The following SYBU variants were observed in gnomAD, a reference collection of about 807,000 sequenced individuals.
The protein encoded by SYBU is syntabulin.
A neutral mutation model predicts 35.9 loss-of-function variants in SYBU; 21 were observed. The ratio of observed to expected loss-of-function variants is 0.58; its 90% CI spans 0.41 to 0.84. The LOEUF is 0.84. Ranked by LOEUF, SYBU falls within the 40% of genes least tolerant of loss-of-function variation. SYBU has a pLI of 0.00. For missense variants in SYBU, 768 were observed against 848.2 expected, an observed-to-expected ratio of 0.91 and a Z score of 1.17; for synonymous variants, 319 against 324.3, an observed-to-expected ratio of 0.98 and a Z score of 0.18.
At chr8:109,671,549 G>T (rs1816982724) in intron 1 of SYBU, among the ~76,000 whole-genome samples, 1 of 152,130 alleles carries the variant, frequency 6.6e-6, no homozygotes, top group South Asian at 2.1e-4. Flanking sequence ...ACATGAATTA[G>T]GCCAACAGCA....
intron 2 of SYBU, among the ~76,000 whole-genome samples, chr8:109,630,334 T>A: frequency 6.8e-6 from 1 of 147,482 alleles, no homozygotes; most frequent in East Asian, 2.1e-4. Flanking sequence ...GATGACGAGT[T>A]AGTGGGTGCA....
chr8:109,640,756 G>GT (rs147018678), intron 2 of SYBU, among the ~76,000 whole-genome samples: 4,497 of 132,008 alleles, frequency 0.034, 210 homozygotes, highest in African/African-American at 0.11. Context: ...TTTTGATAGG[G>GT]TTTTTTTTTT....
In SYBU at chr8:109,579,984, C is replaced by T. The variant is rs767191226; in HGVS notation, c.549G>A (p.Arg183=). The T allele has an allele frequency of 6.2e-7, 1 of 1,613,078 alleles. No individual in the cohort carries two copies. The highest frequency in any genetic ancestry group is 8.5e-7 in the Non-Finnish European group (1 of 1,180,030). ...SSSRNRGPHG[R]SNGASSHKPG... ...GCTTGTGTGACGAAGCTCCATTACT[C>T]CGCCCATGAGGACCTCGACTGGGAG... Residue 183 remains arginine (R), a synonymous_variant, in exon 5 of 7, where the codon CGG becomes CGA. Coordinates refer to ENST00000276646, the MANE Select transcript of SYBU (RefSeq NM_001099754.2).
In SYBU at chr8:109,691,292, G is replaced by GCTAATTTTTGTATTTTTAGTAGAGACAA. The variant is rs1817639041; in HGVS notation, c.-58+40_-58+41insTTGTCTCTACTAAAAATACAAAAATTAG. ...CCATCAGTTGCCCTCCCGTGTCCGC[G>GCTAATTTTTGTATTTTTAGTAGAGACAA]GGCACTGACAGCAGAGACCGCATAG... On this transcript the variant is annotated intron_variant, in intron 1 of 7. Coordinates refer to the SYBU transcript ENST00000422135. The surrounding 1 kb of genome is among the most constrained non-coding windows in gnomAD (Gnocchi z 4.7). The GCTAATTTTTGTATTTTTAGTAGAGACAA allele has an allele frequency of 1.4e-6, 1 of 698,052 alleles. No homozygotes were observed. Among genetic ancestry groups the GCTAATTTTTGTATTTTTAGTAGAGACAA allele is most frequent in the African/African-American group, 1.8e-5 (1 of 56,552 alleles). The allele number at this position is 698,052 out of a possible 1,614,324, so 43.2% of individuals were successfully genotyped here.
At chr8:109,588,268 A>G (rs972542927) in intron 3 of SYBU, among the ~76,000 whole-genome samples, 3 of 152,232 alleles carry the variant, frequency 2.0e-5, no homozygotes, top group Admixed American at 6.5e-5. Flanking sequence ...AATTGCGGAA[A>G]ATCCATTGTT....
chr8:109,625,242 T>C (rs2130450262), intron 2 of SYBU, among the ~76,000 whole-genome samples: 2 of 152,292 alleles, frequency 1.3e-5, no homozygotes, highest in African/African-American at 4.8e-5. Context: ...ACATAACAAA[T>C]ACAGGAATAT....
chr8:109,679,745 C>A (rs1302519377), intron 1 of SYBU, among the ~76,000 whole-genome samples: 1 of 152,164 alleles, frequency 6.6e-6, no homozygotes, highest in Non-Finnish European at 1.5e-5. Flanking sequence ...TGAATGCCTG[C>A]AAAAATATTA....
At chr8:109,586,035 T>A (rs761251426) in intron 4 of SYBU, 25 bp downstream of exon 4, 1 of 1,571,158 alleles carries the variant, frequency 6.4e-7, no homozygotes, top group Admixed American at 1.8e-5. Context: ...AGCGTCTTAA[T>A]TACAGAGCAG....
At chr8:109,606,384 G>GTAA (rs1462297836) in intron 3 of SYBU, among the ~76,000 whole-genome samples, 2 of 152,134 alleles carry the variant, frequency 1.3e-5, no homozygotes, top group African/African-American at 4.8e-5. Flanking sequence ...CCTTATGTGA[G>GTAA]GGGTACTCTT....
rs1817640320 is a variant in SYBU, at chr8:109,691,343, C to G, written c.-68G>C. On this transcript the variant is annotated 5_prime_UTR_variant, in exon 1 of 8. Transcript: ENST00000422135. The surrounding 1 kb of genome is among the most constrained non-coding windows in gnomAD (Gnocchi z 4.7). ...GCGCCCCGGTCTTACCCTTTCTCGCCCAGAAGGGCCCCATCGCGCTGTCCA... is the reference window on the plus strand; with the variant it reads ...GCGCCCCGGTCTTACCCTTTCTCGCGCAGAAGGGCCCCATCGCGCTGTCCA... 1.4e-6 allele frequency: 1 copy of G among 701,934 alleles called. No homozygotes were observed. The highest frequency in any genetic ancestry group is 2.7e-5 in the East Asian group (1 of 37,132). The allele number at this position is 701,934 out of a possible 1,614,324, so 43.5% of individuals were successfully genotyped here. A position where few individuals can be genotyped will look rare whatever the true frequency, so the allele number is the denominator to read the frequency against.
intron 3 of SYBU, among the ~76,000 whole-genome samples, chr8:109,591,642 GCTGGGACTACAGGC>G (rs1824278695): frequency 6.7e-6 from 1 of 148,778 alleles, no homozygotes; most frequent in Non-Finnish European, 1.5e-5. Context: ...CTCCCGAGTA[GCTGGGACTACAGGC>G]GCCCGCCACC....
intron 3 of SYBU, among the ~76,000 whole-genome samples, chr8:109,615,032 C>T (rs1473932113): frequency 2.0e-5 from 3 of 152,212 alleles, no homozygotes; most frequent in African/African-American, 7.2e-5. Flanking sequence ...GCATCATACA[C>T]TCAGGGAACA....
At chr8:109,644,174 CCAGCCGCA>C (rs1586930699) in intron 1 of SYBU, 1 of 461,346 alleles carries the variant, frequency 2.2e-6, no homozygotes, top group Non-Finnish European at 4.3e-6. Context: ...CCGGGGGCCG[CCAGCCGCA>C]CGCAGCCTCG....
At chr8:109,614,865 G>A (rs901020687) in intron 3 of SYBU, among the ~76,000 whole-genome samples, 9 of 152,192 alleles carry the variant, frequency 5.9e-5, no homozygotes, top group East Asian at 1.9e-4. Context: ...AAGGCTCACC[G>A]CCTCCAAGAA....
chr8:109,667,716 C>T (rs1350570557), intron 1 of SYBU, among the ~76,000 whole-genome samples: 3 of 152,154 alleles, frequency 2.0e-5, no homozygotes, highest in South Asian at 4.1e-4. Flanking sequence ...CAGCCTTGAC[C>T]TCCTGGTCTC....
rs1421637390 is a variant in SYBU at position 109,669,349 on chromosome 8, A to AG, written c.-129+11361_-129+11362insC. Among the ~76,000 whole-genome samples, 3 of 149,862 alleles carry AG rather than the reference A, an allele frequency of 2.0e-5. No homozygotes were observed. In the East Asian group the frequency reaches 5.9e-4, roughly 29 times the overall value. ...AGAGTGAGACTCCGTCAAAAAAAAA[A>AG]AAAAAAAAAAAAAAAAAAACAACTG... is the stretch of plus-strand genomic sequence containing the variant. On this transcript the variant is annotated intron_variant, in intron 1 of 5. Coordinates refer to the SYBU transcript ENST00000408889.
intron 1 of SYBU, among the ~76,000 whole-genome samples, chr8:109,654,820 T>C (rs1356193688): frequency 6.6e-6 from 1 of 152,232 alleles, no homozygotes; most frequent in Admixed American, 6.5e-5. Context: ...TTCTTAACTT[T>C]TCTGTCTCCC....
intron 3 of SYBU, chr8:109,586,384 C>T (rs1295947530): frequency 9.6e-6 from 5 of 521,662 alleles, no homozygotes; most frequent in Non-Finnish European, 1.7e-5. Context: ...CACAGTAAGG[C>T]TGGTTTCATA....
chr8:109,687,756 C>A (rs1193302375), intron 1 of SYBU, among the ~76,000 whole-genome samples: 1 of 152,018 alleles, frequency 6.6e-6, no homozygotes, highest in African/African-American at 2.4e-5. Flanking sequence ...AGGCATCTGG[C>A]AAAATGTCAC....
Sources: gnomAD v4.1 joint callset for allele counts (sites outside exome capture counted in the v4.1 genomes callset) on GRCh38, gnomAD v4.1.1 for gene constraint, Gnocchi (gnomAD v3.1) non-coding constraint, MANE v1.5 for transcripts, NCBI Gene and HGNC (gene_info 2026-07-23, HGNC 2026-07-21) for gene names.